CHKA: variants seen among roughly 807,000 people sequenced by gnomAD.
The protein encoded by CHKA is CHETK-alpha.
CHKA carries 34 observed loss-of-function variants against 60.1 expected under a neutral mutation model. The ratio of observed to expected loss-of-function variants is 0.57; its 90% CI spans 0.43 to 0.75. CHKA has a LOEUF of 0.75. CHKA is among the 30% of genes least tolerant of loss of function. The pLI, the probability that CHKA is intolerant of heterozygous loss-of-function variation, is 0.00. For synonymous variants in CHKA, 217 were observed against 223.1 expected, an observed-to-expected ratio of 0.97 and a Z score of 0.24; for missense variants, 563 against 561.3, an observed-to-expected ratio of 1.00 and a Z score of -0.03.
chr11:68,095,473 G>A (rs1019481417), intron 2 of CHKA, among the ~76,000 whole-genome samples: 7 of 143,902 alleles, frequency 4.9e-5, no homozygotes, highest in Non-Finnish European at 9.0e-5. Flanking sequence ...CACTTTGGAG[G>A]CCAAGGTGGA....
chr11:68,113,074 T>G (rs1858229616), intron 1 of CHKA, among the ~76,000 whole-genome samples: 2 of 30,432 alleles, frequency 6.6e-5, no homozygotes, highest in African/African-American at 2.1e-4. Context: ...AGAGCAAGAC[T>G]CCGTCTCAAA....
chr11:68,107,486 T>C (rs927053912), intron 1 of CHKA, among the ~76,000 whole-genome samples: 8 of 152,088 alleles, frequency 5.3e-5, no homozygotes, highest in African/African-American at 1.9e-4. Flanking sequence ...TAGTGCCTTT[T>C]TCCCACTCAC....
rs568588517 is a variant in CHKA at position 68,088,777 on chromosome 11, C to A, written c.463-7320G>T. 1.3e-4 allele frequency among the ~76,000 whole-genome samples: 20 copies of A among 152,236 alleles called. 1 individual carries two copies. The South Asian group carries it at 3.9e-3, about 30-fold the overall frequency. The stretch of plus-strand genomic sequence containing the variant: ...ACAGCATTCTTTCTCGAACTCCTGA[C>A]CTCAGTGATCCAACTCGCCTCAGCC... On this transcript the variant is annotated intron_variant, in intron 2 of 11. Transcript: ENST00000265689.
At chr11:68,055,382 G>C (rs1211339080) in intron 11 of CHKA, among the ~76,000 whole-genome samples, 1 of 152,212 alleles carries the variant, frequency 6.6e-6, no homozygotes, top group Non-Finnish European at 1.5e-5. Context: ...AACAGAGTGA[G>C]ACTCTGTCTC....
chr11:68,065,989 C>G, intron 8 of CHKA, 95 bp from the exon 9 acceptor site: 1 of 812,552 alleles, frequency 1.2e-6, no homozygotes, highest in Non-Finnish European at 2.0e-6. Context: ...GTTCCGAGCA[C>G]GCCACTCCTG....
intron 11 of CHKA, among the ~76,000 whole-genome samples, chr11:68,059,984 C>T (rs1332619115): frequency 6.6e-6 from 1 of 150,796 alleles, no homozygotes; most frequent in Non-Finnish European, 1.5e-5. Context: ...TGAGATCTCC[C>T]ATGTTTTTTG....
At chr11:68,076,085 T>G (rs1407994556) in intron 3 of CHKA, among the ~76,000 whole-genome samples, 1 of 152,212 alleles carries the variant, frequency 6.6e-6, no homozygotes, top group African/African-American at 2.4e-5. Flanking sequence ...AAAAAGTATT[T>G]TGGTCACTTT....
At chr11:68,072,851 T>G (rs1856666020) in intron 4 of CHKA, among the ~76,000 whole-genome samples, 1 of 152,010 alleles carries the variant, frequency 6.6e-6, no homozygotes, top group African/African-American at 2.4e-5. Context: ...TTTAATAAGC[T>G]GGGTGTGCTG....
chr11:68,110,997 CAAAAAA>C (rs368581413), intron 1 of CHKA, among the ~76,000 whole-genome samples: 1 of 84,184 alleles, frequency 1.2e-5, no homozygotes, highest in African/African-American at 4.6e-5. Flanking sequence ...GACTCCATCT[CAAAAAA>C]AAAAAAAATG....
rs560426103 is a variant in CHKA at position 68,117,655 on chromosome 11, T to A, written c.350+3173A>T. 8.3e-4 allele frequency among the ~76,000 whole-genome samples: 127 copies of A among 152,140 alleles called. 2 individuals are homozygous for A. Among genetic ancestry groups the A allele is most frequent in the Non-Finnish European group, 8.7e-4 (59 of 68,000 alleles). On this transcript the variant is annotated intron_variant, in intron 1 of 11. Transcript: ENST00000265689. Reference sequence around the variant, plus strand: ...CTAGCCGAGATCACACCAGCCTGGGTGACAGAGCAAGACTCCATCTCAAAA... The same window carrying A: ...CTAGCCGAGATCACACCAGCCTGGGAGACAGAGCAAGACTCCATCTCAAAA...
At chr11:68,112,489 ACCTCAGGTGATCCACCCATCTTGTCCT>A (rs1858194332) in intron 1 of CHKA, among the ~76,000 whole-genome samples, 1 of 152,120 alleles carries the variant, frequency 6.6e-6, no homozygotes, top group Non-Finnish European at 1.5e-5. Flanking sequence ...CAAACTCCTG[ACCTCAGGTGATCCACCCATCTTGTCCT>A]CCCCAAGTGC....
intron 2 of CHKA, 113 bp downstream of exon 2, chr11:68,096,901 CTCAAA>C (rs1212776144): frequency 1.3e-5 from 8 of 629,220 alleles, no homozygotes; most frequent in Non-Finnish European, 2.1e-5. Flanking sequence ...AAGCAATATA[CTCAAA>C]TATCTTTAGT....
chr11:68,091,681 C>T (rs1252126030), intron 2 of CHKA, among the ~76,000 whole-genome samples: 3 of 152,162 alleles, frequency 2.0e-5, no homozygotes, highest in Non-Finnish European at 2.9e-5. Context: ...GAGAACTGTA[C>T]CAAAGAGCAG....
At chr11:68,099,883 A>G (rs1437546056) in intron 1 of CHKA, among the ~76,000 whole-genome samples, 2 of 152,262 alleles carry the variant, frequency 1.3e-5, no homozygotes, top group Admixed American at 6.5e-5. Context: ...GAAGGAAGGC[A>G]GACTAGCTTG....
intron 1 of CHKA, 81 bp downstream of exon 1, chr11:68,120,747 A>G (rs891560198): frequency 2.1e-4 from 9 of 43,182 alleles, no homozygotes; most frequent in Admixed American, 5.9e-4. Flanking sequence ...CCCCCGGCCC[A>G]CGCCCCCTGC....
At chr11:68,074,289 A>G (rs1184894534) in intron 4 of CHKA, among the ~76,000 whole-genome samples, 2 of 152,196 alleles carry the variant, frequency 1.3e-5, no homozygotes, top group African/African-American at 4.8e-5. Context: ...AGGGAGACTC[A>G]GTAGGAATGC....
At chr11:68,090,874 G>T (rs1313317412) in intron 2 of CHKA, among the ~76,000 whole-genome samples, 1 of 152,186 alleles carries the variant, frequency 6.6e-6, no homozygotes, top group African/African-American at 2.4e-5. Flanking sequence ...TGCACAGAAG[G>T]AAGTGGCTTA....
At chr11:68,102,084 A>C (rs1197451744) in intron 1 of CHKA, among the ~76,000 whole-genome samples, 1 of 150,910 alleles carries the variant, frequency 6.6e-6, no homozygotes, top group Non-Finnish European at 1.5e-5. Context: ...TGGGTGACAG[A>C]GCAAGACTCT....
chr11:68,072,396 A>T lies in CHKA; in HGVS notation c.631-1539T>A, dbSNP rs1464079974. On this transcript the variant is annotated intron_variant, in intron 4 of 11. Transcript: ENST00000265689. ...CCCGTCTCTACAAAAAAATAAACAA[A>T]ATTAGTCAAACATGGTGGCACGTGC... is the stretch of plus-strand genomic sequence containing the variant. Among the ~76,000 whole-genome samples, 4 of 151,990 alleles carry T rather than the reference A, an allele frequency of 2.6e-5. No individual in the cohort carries two copies. In the East Asian group the frequency reaches 7.8e-4, roughly 30 times the overall value.
Sources: allele counts gnomAD v4.1 joint callset (sites outside exome capture counted in the v4.1 genomes callset), GRCh38; gene constraint gnomAD v4.1.1; transcripts MANE v1.5; gene names NCBI Gene and HGNC (gene_info 2026-07-23, HGNC 2026-07-21).